The following GRM3 variants were observed in gnomAD, a reference collection of about 807,000 sequenced individuals.
GRM3 encodes metabotropic glutamate receptor 3.
In GRM3, 26 loss-of-function variants were observed where a neutral mutation model predicts 70.5. That is an observed-to-expected ratio of 0.37 (90% CI 0.27 to 0.51). The LOEUF (loss-of-function observed/expected upper bound fraction) is 0.51. Ranked by LOEUF, GRM3 falls within the 20% of genes least tolerant of loss-of-function variation. The pLI is 0.93. For missense variants in GRM3, 859 were observed against 1,123.8 expected (o/e 0.76, Z 3.37); for synonymous variants, 443 against 434.9 (o/e 1.02, Z -0.23).
At chr7:86,665,227 G>A (rs1167393334) in intron 1 of GRM3, among the ~76,000 whole-genome samples, 2 of 152,140 alleles carry the variant, frequency 1.3e-5, no homozygotes, top group East Asian at 3.9e-4. Flanking sequence ...TGCTCTGGGA[G>A]AACGTGTTAT....
At chr7:86,800,780 C>T (rs999038993) in intron 3 of GRM3, among the ~76,000 whole-genome samples, 3 of 152,166 alleles carry the variant, frequency 2.0e-5, no homozygotes, top group African/African-American at 7.2e-5. Context: ...TTCACTCTAA[C>T]TCATTTTATG....
intron 5 of GRM3, among the ~76,000 whole-genome samples, chr7:86,859,448 T>G (rs1450435679): frequency 6.6e-6 from 1 of 152,080 alleles, no homozygotes; most frequent in Non-Finnish European, 1.5e-5. Flanking sequence ...ATTAAGATGA[T>G]GAGTAAGAAA....
At chr7:86,646,226 G>A (rs186551167) in intron 1 of GRM3, among the ~76,000 whole-genome samples, 4 of 152,130 alleles carry the variant, frequency 2.6e-5, no homozygotes, top group Admixed American at 1.3e-4. Flanking sequence ...ATATTCCTAC[G>A]TACCTTGTTT....
At chr7:86,663,700 T>C (rs570877166) in intron 1 of GRM3, among the ~76,000 whole-genome samples, 1 of 152,004 alleles carries the variant, frequency 6.6e-6, no homozygotes, top group African/African-American at 2.4e-5. Context: ...AAGAAGTTTG[T>C]AAGATTTTAG....
At chr7:86,701,072 A>C (rs563570173) in intron 1 of GRM3, among the ~76,000 whole-genome samples, 1 of 151,962 alleles carries the variant, frequency 6.6e-6, no homozygotes, top group East Asian at 1.9e-4. Context: ...TCTGTTATCC[A>C]GAATTAAACT....
chr7:86,827,198 T>C (rs1798251885), intron 3 of GRM3, among the ~76,000 whole-genome samples: 1 of 152,242 alleles, frequency 6.6e-6, no homozygotes, highest in Non-Finnish European at 1.5e-5. Context: ...AATATTCTTC[T>C]GAAATGTTTT....
rs1798734631 is a variant in GRM3 at position 86,850,442 on chromosome 7, A to T, written c.2464A>T (p.Lys822Ter). The T allele has an allele frequency of 6.2e-7, 1 of 1,612,338 alleles. No individual in the cohort carries two copies. Among genetic ancestry groups the T allele is most frequent in the African/African-American group, 1.3e-5 (1 of 74,848 alleles). ...GGTCTTGGGCTGTTTGTTTGCACCC[A>T]AGGTTCACATCATCCTGTTTCAACC... The part of the protein sequence containing the change: ...FVVLGCLFAP[K>*]VHIILFQPQK... Residue 822 changes from lysine to a stop codon, truncating the protein, a stop_gained, in exon 5 of 6, where the codon AAG becomes TAG. Coordinates refer to ENST00000361669, the MANE Select transcript of GRM3 (RefSeq NM_000840.3). LOFTEE classifies it high-confidence loss of function.
At chr7:86,673,460 G>A (rs552131954) in intron 1 of GRM3, among the ~76,000 whole-genome samples, 2 of 152,104 alleles carry the variant, frequency 1.3e-5, no homozygotes, top group African/African-American at 4.8e-5. Flanking sequence ...CTAAAACCAA[G>A]CCTTCTGTCT....
chr7:86,848,700 C>A (rs529968907), intron 4 of GRM3, among the ~76,000 whole-genome samples: 1 of 152,184 alleles, frequency 6.6e-6, no homozygotes, highest in East Asian at 1.9e-4. Flanking sequence ...CCCATCTTGT[C>A]CATGCATACC....
At position 86,786,503 on chromosome 7, in the gene GRM3, C is replaced by G; in HGVS notation, c.711C>G (p.Arg237=). ...CCTTCGAGCAGGAAGCCCGCCTGCG[C>G]AACATCTGCATCGCTACGGCGGAGA... ...IEAFEQEARL[R]NICIATAEKV... is the part of the protein sequence containing the mutation. Residue 237 remains arginine (R), a synonymous_variant, in exon 3 of 6, where the codon CGC becomes CGG. Coordinates refer to ENST00000361669, the MANE Select transcript of GRM3 (RefSeq NM_000840.3). This position sits in a 1 kb window ranked among gnomAD's most constrained non-coding sequence, Gnocchi z 6.0. 1 of 1,614,222 alleles carries G rather than the reference C, an allele frequency of 6.2e-7. No individual in the cohort carries two copies. Among genetic ancestry groups the G allele is most frequent in the Middle Eastern group, 1.6e-4 (1 of 6,062 alleles).
intron 3 of GRM3, among the ~76,000 whole-genome samples, chr7:86,834,247 C>T (rs1798412174): frequency 6.6e-6 from 1 of 152,148 alleles, no homozygotes; most frequent in African/African-American, 2.4e-5. Context: ...CTGGTGTTCA[C>T]TTTGCCTTTC....
rs551972212 is a variant in GRM3, at chr7:86,672,883, G to T, written c.-141+28011G>T. Among the ~76,000 whole-genome samples the T allele has an allele frequency of 1.2e-3, 176 of 152,306 alleles. 1 individual carries two copies. Among genetic ancestry groups the T allele is most frequent in the African/African-American group, 3.9e-3 (163 of 41,568 alleles). ...TCCCCTCTCTATGAGTGTGTGGAAA[G>T]TGGTGAACATATAGAAAACCAATAC... is the stretch of plus-strand genomic sequence containing the variant. On this transcript the variant is annotated intron_variant, in intron 1 of 5. Coordinates refer to ENST00000361669, the MANE Select transcript of GRM3 (RefSeq NM_000840.3).
chr7:86,659,763 G>A (rs913714365), intron 1 of GRM3, among the ~76,000 whole-genome samples: 1 of 151,816 alleles, frequency 6.6e-6, no homozygotes, highest in African/African-American at 2.4e-5. Flanking sequence ...TTCAATAGCT[G>A]GAAAGTCAGC....
intron 1 of GRM3, among the ~76,000 whole-genome samples, chr7:86,706,859 T>C (rs1795070846): frequency 6.6e-6 from 1 of 152,094 alleles, no homozygotes; most frequent in Non-Finnish European, 1.5e-5. Context: ...ACAAAGCAAG[T>C]ATTTTTATTA....
chr7:86,792,507 CTGTT>C (rs1229648196), intron 3 of GRM3, among the ~76,000 whole-genome samples: 1 of 152,172 alleles, frequency 6.6e-6, no homozygotes. Context: ...TTAGGCTAAA[CTGTT>C]TGAGAATGGA....
At chr7:86,654,973 AAGGAAGTATTGCCACC>A (rs1289860084) in intron 1 of GRM3, among the ~76,000 whole-genome samples, 1 of 152,264 alleles carries the variant, frequency 6.6e-6, no homozygotes, top group Non-Finnish European at 1.5e-5. Context: ...GAAGCTGGAA[AAGGAAGTATTGCCACC>A]AGATTAAACT....
intron 2 of GRM3, among the ~76,000 whole-genome samples, chr7:86,785,588 A>T (rs559545084): frequency 1.3e-5 from 2 of 151,966 alleles, no homozygotes; most frequent in South Asian, 2.1e-4. Context: ...AAAATATTTT[A>T]AAAAGAAAAA....
chr7:86,850,376 A>G lies in GRM3; in HGVS notation c.2398A>G (p.Thr800Ala). The G allele has an allele frequency of 6.2e-7, 1 of 1,612,132 alleles. No individual in the cohort carries two copies. The highest frequency in any genetic ancestry group is 8.5e-7 in the Non-Finnish European group (1 of 1,178,752). Residue 800 changes from threonine to alanine, a missense_variant, in exon 5 of 6, where the codon ACG becomes GCG. Transcript: ENST00000361669. Reference sequence around the variant, plus strand: ...AGCCAACCTTCTCTTGTAGGTGCAGACGACAACCATGTGCATCTCTGTCAG... The same window carrying G: ...AGCCAACCTTCTCTTGTAGGTGCAGGCGACAACCATGTGCATCTCTGTCAG... ...YVTSSDYRVQ[T>A]TTMCISVSLS...
intron 1 of GRM3, among the ~76,000 whole-genome samples, chr7:86,732,339 C>G (rs1562842013): frequency 6.6e-6 from 1 of 152,126 alleles, no homozygotes; most frequent in African/African-American, 2.4e-5. Flanking sequence ...CAAGCACATA[C>G]AAGTAAGAGG....
Sources: allele counts gnomAD v4.1 joint callset (sites outside exome capture counted in the v4.1 genomes callset), GRCh38; gene constraint gnomAD v4.1.1; non-coding constraint Gnocchi (gnomAD v3.1); transcripts MANE v1.5; gene names NCBI Gene and HGNC (gene_info 2026-07-23, HGNC 2026-07-21).